Variants in TMEM135 observed in about 807,000 individuals in gnomAD.
The protein encoded by TMEM135 is peroxisomal membrane protein 52.
TMEM135 carries 30 observed loss-of-function variants against 60.3 expected under a neutral mutation model. The ratio of observed to expected loss-of-function variants is 0.50; its 90% CI spans 0.37 to 0.68. The LOEUF (loss-of-function observed/expected upper bound fraction) is 0.68. TMEM135 is among the 30% of genes least tolerant of loss of function. TMEM135 has a pLI of 0.00. For synonymous variants in TMEM135, 190 were observed against 186.7 expected, an observed-to-expected ratio of 1.02 and a Z score of -0.14; for missense variants, 468 against 548.8, an observed-to-expected ratio of 0.85 and a Z score of 1.47.
At chr11:87,302,521 GT>G in intron 8 of TMEM135, 79 bp downstream of exon 8, 3 of 1,579,546 alleles carry the variant, frequency 1.9e-6, no homozygotes, top group Middle Eastern at 3.3e-4. Flanking sequence ...GGTTATTTTT[GT>G]TTTCTATTCA....
chr11:87,148,511 G>C (rs979653475), intron 4 of TMEM135, among the ~76,000 whole-genome samples: 8 of 152,110 alleles, frequency 5.3e-5, no homozygotes, highest in African/African-American at 1.9e-4. Context: ...GATTGCCTAG[G>C]GTTTTGAGAC....
At chr11:87,232,114 C>T (rs551275650) in intron 5 of TMEM135, among the ~76,000 whole-genome samples, 3 of 152,120 alleles carry the variant, frequency 2.0e-5, no homozygotes, top group Non-Finnish European at 4.4e-5. Context: ...TTATGACTGA[C>T]TAATTTTTGT....
At chr11:87,189,941 A>G (rs973701174) in intron 5 of TMEM135, among the ~76,000 whole-genome samples, 17 of 151,982 alleles carry the variant, frequency 1.1e-4, no homozygotes, top group African/African-American at 2.4e-4. Context: ...ATGAATGAAT[A>G]AATAAATAAA....
chr11:87,259,273 A>G (rs1458534361), intron 6 of TMEM135: 2 of 391,110 alleles, frequency 5.1e-6, no homozygotes, highest in Non-Finnish European at 9.8e-6. Context: ...GCTGTAGGGG[A>G]CACCAGAAGT....
chr11:87,078,655 C>T (rs1856922275), intron 3 of TMEM135, among the ~76,000 whole-genome samples: 1 of 152,148 alleles, frequency 6.6e-6, no homozygotes, highest in African/African-American at 2.4e-5. Flanking sequence ...TGCTCTGTCG[C>T]TGAGGCTGGA....
At chr11:87,227,102 G>C (rs1185455804) in intron 5 of TMEM135, among the ~76,000 whole-genome samples, 1 of 151,942 alleles carries the variant, frequency 6.6e-6, no homozygotes, top group African/African-American at 2.4e-5. Flanking sequence ...GCAAGTAAGA[G>C]TCTAGGCCTA....
chr11:87,214,683 T>C (rs1940458020), intron 5 of TMEM135, among the ~76,000 whole-genome samples: 1 of 152,168 alleles, frequency 6.6e-6, no homozygotes, highest in Non-Finnish European at 1.5e-5. Context: ...TTTAAAGCTT[T>C]TTCCCCCTAT....
intron 4 of TMEM135, among the ~76,000 whole-genome samples, chr11:87,105,595 G>C (rs1591023044): frequency 6.6e-6 from 1 of 152,006 alleles, no homozygotes; most frequent in South Asian, 2.1e-4. Context: ...CATGGTGAAA[G>C]ATTTTTAAAA....
At chr11:87,079,843 C>CTTTTTTTTTTTTTTTTT (rs139184730) in intron 3 of TMEM135, among the ~76,000 whole-genome samples, 1 of 107,938 alleles carries the variant, frequency 9.3e-6, no homozygotes. Context: ...CTTTTCTTTT[C>CTTTTTTTTTTTTTTTTT]TTTTTTTTTT....
intron 8 of TMEM135, 66 bp from the exon 9 acceptor site, chr11:87,305,870 T>C: frequency 1.7e-6 from 2 of 1,172,550 alleles, no homozygotes; most frequent in South Asian, 1.6e-5. Context: ...TCCACAAACA[T>C]GTACAAACAC....
At chr11:87,083,545 A>T (rs1484884385) in intron 3 of TMEM135, among the ~76,000 whole-genome samples, 4 of 152,142 alleles carry the variant, frequency 2.6e-5, no homozygotes, top group African/African-American at 9.7e-5. Flanking sequence ...TACTTATGAA[A>T]CTCCAAACCA....
intron 5 of TMEM135, among the ~76,000 whole-genome samples, chr11:87,170,021 A>G (rs1187270734): frequency 1.2e-5 from 1 of 83,908 alleles, no homozygotes; most frequent in African/African-American, 4.7e-5. Context: ...TTTTTTTTCT[A>G]ATCTTGTCTT....
chr11:87,173,987 C>CA (rs1181937005), intron 5 of TMEM135, among the ~76,000 whole-genome samples: 9 of 152,070 alleles, frequency 5.9e-5, no homozygotes, highest in African/African-American at 2.2e-4. Context: ...TGTTTCTTTG[C>CA]ATAAAGTAAA....
intron 1 of TMEM135, among the ~76,000 whole-genome samples, chr11:87,058,293 A>G (rs1949912485): frequency 6.6e-6 from 1 of 151,856 alleles, no homozygotes; most frequent in Admixed American, 6.6e-5. Flanking sequence ...TATACAGAAA[A>G]ATTTGTTTGT....
At chr11:87,258,127 A>T (rs1174881552) in intron 6 of TMEM135, among the ~76,000 whole-genome samples, 1 of 151,458 alleles carries the variant, frequency 6.6e-6, no homozygotes, top group African/African-American at 2.4e-5. Flanking sequence ...TTGATTATAT[A>T]TTGATATTGA....
intron 3 of TMEM135, among the ~76,000 whole-genome samples, chr11:87,090,198 G>A (rs1857177918): frequency 6.6e-6 from 1 of 152,006 alleles, no homozygotes; most frequent in Admixed American, 6.6e-5. Flanking sequence ...ATATATTGGT[G>A]ATAATGTAAA....
intron 6 of TMEM135, among the ~76,000 whole-genome samples, chr11:87,252,143 CCTT>C (rs1268529023): frequency 1.3e-5 from 2 of 152,104 alleles, no homozygotes; most frequent in African/African-American, 2.4e-5. Flanking sequence ...TTCCTACCCT[CCTT>C]CTCTCTCTTT....
chr11:87,325,115 A>G lies in TMEM135; in HGVS notation c.*3782A>G, dbSNP rs2134548136. ...TGGAATTAACAAAGAAAGGAGTGTC[A>G]AGGACTGAGATGACCCTCAGATTGG... On this transcript the variant is annotated 3_prime_UTR_variant, in exon 15 of 15. Coordinates refer to ENST00000305494, the MANE Select transcript of TMEM135 (RefSeq NM_022918.4). The G allele has an allele frequency of 2.2e-6, 1 of 453,494 alleles. No homozygotes were observed. The highest frequency in any genetic ancestry group is 7.0e-5 in the East Asian group (1 of 14,338). 28.1% of individuals were successfully genotyped at this position (453,494 alleles called of 1,614,324 possible).
rs1393484469 is a variant in TMEM135, at chr11:87,322,724, C to A, written c.*1391C>A. On this transcript the variant is annotated 3_prime_UTR_variant, in exon 15 of 15. Transcript: ENST00000305494. The stretch of plus-strand genomic sequence containing the variant: ...ATCCCTCATATTCAATTTCATCAAG[C>A]CTTGTATACTTCTGCTTAAATGTAA... 8.8e-6 allele frequency: 4 copies of A among 453,862 alleles called. No individual in the cohort carries two copies. The highest frequency in any genetic ancestry group is 1.6e-5 in the South Asian group (1 of 64,472). 28.1% of individuals were successfully genotyped at this position (453,862 alleles called of 1,614,324 possible).
Sources: gnomAD v4.1 joint callset for allele counts (sites outside exome capture counted in the v4.1 genomes callset) on GRCh38, gnomAD v4.1.1 for gene constraint, MANE v1.5 for transcripts, NCBI Gene and HGNC (gene_info 2026-07-23, HGNC 2026-07-21) for gene names.